The following VWA8 variants were observed in gnomAD, a reference collection of about 807,000 sequenced individuals.
VWA8 encodes von Willebrand factor A domain-containing protein 8.
VWA8 carries 221 observed loss-of-function variants against 241.5 expected under a neutral mutation model. That is an observed-to-expected ratio of 0.91 (90% CI 0.82 to 1.02). VWA8 has a LOEUF of 1.02. VWA8 is among the 50% of genes least tolerant of loss of function. The pLI is 0.00. For synonymous variants in VWA8, 852 were observed against 827.1 expected, an observed-to-expected ratio of 1.03 and a Z score of -0.52; for missense variants, 2,322 against 2,328.7, an observed-to-expected ratio of 1.00 and a Z score of 0.06.
intron 34 of VWA8, among the ~76,000 whole-genome samples, chr13:41,686,489 G>T (rs891974162): frequency 2.0e-5 from 3 of 151,050 alleles, no homozygotes; most frequent in Admixed American, 1.3e-4. Context: ...TTAAGTGTTT[G>T]TTCAAGTCTT....
chr13:41,814,830 T>C (rs1186078158), intron 16 of VWA8, among the ~76,000 whole-genome samples: 2 of 151,970 alleles, frequency 1.3e-5, no homozygotes, highest in Admixed American at 6.6e-5. Flanking sequence ...CTGTGCAAAG[T>C]TCCAGATGCT....
At chr13:41,741,850 C>T (rs1418772271) in intron 21 of VWA8, among the ~76,000 whole-genome samples, 1 of 152,080 alleles carries the variant, frequency 6.6e-6, no homozygotes, top group Non-Finnish European at 1.5e-5. Context: ...AAATTCATGT[C>T]AAAAGATGAC....
chr13:41,928,791 G>A (rs1252467956), intron 2 of VWA8, among the ~76,000 whole-genome samples: 1 of 151,038 alleles, frequency 6.6e-6, no homozygotes, highest in Non-Finnish European at 1.5e-5. Flanking sequence ...AAACTAAGAG[G>A]TTTTTTGAAA....
chr13:41,874,122 C>T (rs1314310425), intron 9 of VWA8, among the ~76,000 whole-genome samples: 1 of 151,538 alleles, frequency 6.6e-6, no homozygotes, highest in East Asian at 1.9e-4. Flanking sequence ...AGGCCTTTGA[C>T]AAAATTCAAC....
intron 42 of VWA8, among the ~76,000 whole-genome samples, chr13:41,583,652 A>AC (rs112062028): frequency 0.17 from 25,870 of 148,224 alleles, 2,660 homozygotes; most frequent in East Asian, 0.34. Flanking sequence ...CAAAAAAAAA[A>AC]AAAAAAAAAA....
rs976146889 is a variant in VWA8, at chr13:41,908,575, G to A, written c.373-879C>T. 4.0e-5 allele frequency among the ~76,000 whole-genome samples: 6 copies of A among 151,646 alleles called. 1 individual carries two copies. On this transcript the variant is annotated intron_variant, in intron 3 of 44. Transcript: ENST00000379310. ...AGGAGGATTTTAAAAAGGAGAGGAA[G>A]GAGGTGATGAAAAAGGAGGAGGAAA... is the stretch of plus-strand genomic sequence containing the variant.
chr13:41,757,268 C>T lies in VWA8; in HGVS notation c.2426+3860G>A, dbSNP rs545688973. Among the ~76,000 whole-genome samples the T allele has an allele frequency of 2.1e-3, 322 of 151,760 alleles. 1 individual carries two copies. The highest frequency in any genetic ancestry group is 7.4e-3 in the African/African-American group (305 of 41,490). On this transcript the variant is annotated intron_variant, in intron 21 of 44. Coordinates refer to ENST00000379310, the MANE Select transcript of VWA8 (RefSeq NM_015058.2). ...TTCTTCCTATATCTCCTATAATACA[C>T]AGCCTCGTAGTTTTAATATGACAAA...
At chr13:41,957,495 A>C (rs1400229343) in intron 1 of VWA8, among the ~76,000 whole-genome samples, 2 of 152,164 alleles carry the variant, frequency 1.3e-5, no homozygotes, top group African/African-American at 2.4e-5. Context: ...AGTCCCAGCT[A>C]CTTGGGAGGC....
At chr13:41,870,630 C>T (rs1253107190) in intron 9 of VWA8, among the ~76,000 whole-genome samples, 8 of 139,498 alleles carry the variant, frequency 5.7e-5, no homozygotes, top group Non-Finnish European at 9.1e-5. Flanking sequence ...AGCAAGACTC[C>T]GTCTCAAAAA....
intron 26 of VWA8, among the ~76,000 whole-genome samples, chr13:41,706,514 C>G (rs1174149315): frequency 6.6e-6 from 1 of 152,126 alleles, no homozygotes; most frequent in African/African-American, 2.4e-5. Context: ...CTGAGGTAAA[C>G]CCAAGACCCT....
intron 17 of VWA8, among the ~76,000 whole-genome samples, chr13:41,795,435 C>T (rs1183878739): frequency 6.6e-6 from 1 of 152,148 alleles, no homozygotes; most frequent in Admixed American, 6.5e-5. Context: ...ACCCAGCAAT[C>T]CCATTATTGG....
intron 39 of VWA8, among the ~76,000 whole-genome samples, chr13:41,609,942 T>C (rs1354903524): frequency 6.6e-6 from 1 of 152,176 alleles, no homozygotes; most frequent in Admixed American, 6.5e-5. Flanking sequence ...CTTCTTCCCC[T>C]GTAGGGCAAT....
intron 2 of VWA8, among the ~76,000 whole-genome samples, chr13:41,947,885 T>C (rs532238132): frequency 2.0e-3 from 267 of 131,012 alleles, no homozygotes; most frequent in African/African-American, 7.2e-3. Flanking sequence ...TGAGCCGACA[T>C]TGCACCACTG....
chr13:41,729,743 T>A (rs2045466452), intron 22 of VWA8, 66 bp from the exon 23 acceptor site: 4 of 1,550,898 alleles, frequency 2.6e-6, no homozygotes, highest in East Asian at 2.3e-5. Context: ...ACTTCATTAC[T>A]TACTGCTTTG....
chr13:41,893,651 TGAG>T (rs1593850761), intron 4 of VWA8, among the ~76,000 whole-genome samples: 1 of 152,098 alleles, frequency 6.6e-6, no homozygotes, highest in Admixed American at 6.6e-5. Flanking sequence ...TTTGGGAGGC[TGAG>T]GAGGGTGGAT....
intron 24 of VWA8, among the ~76,000 whole-genome samples, chr13:41,725,304 G>C (rs2045423844): frequency 6.6e-6 from 1 of 152,126 alleles, no homozygotes; most frequent in South Asian, 2.1e-4. Flanking sequence ...AGAGTTATTG[G>C]ATTTGGTGTA....
At chr13:41,730,879 A>C (rs1049261275) in intron 22 of VWA8, among the ~76,000 whole-genome samples, 1 of 151,930 alleles carries the variant, frequency 6.6e-6, no homozygotes, top group African/African-American at 2.4e-5. Flanking sequence ...AAAACTTATA[A>C]GAAATTTCTT....
At chr13:41,696,075 T>G (rs1026246961) in intron 29 of VWA8, 1 of 152,220 alleles carries the variant, frequency 6.6e-6, no homozygotes, top group African/African-American at 2.4e-5. Flanking sequence ...GTACCTTTTA[T>G]GACACATTGT....
intron 41 of VWA8, 122 bp downstream of exon 41, chr13:41,590,518 T>A: frequency 1.4e-4 from 127 of 890,648 alleles, no homozygotes; most frequent in Non-Finnish European, 1.8e-4. Flanking sequence ...TTTTTTAACA[T>A]AATGCTTTCC....
Sources: allele counts gnomAD v4.1 joint callset (sites outside exome capture counted in the v4.1 genomes callset), GRCh38; gene constraint gnomAD v4.1.1; transcripts MANE v1.5; gene names NCBI Gene and HGNC (gene_info 2026-07-23, HGNC 2026-07-21).